The following SAMD3 variants were observed in gnomAD, a reference collection of about 807,000 sequenced individuals.
The protein encoded by SAMD3 is sterile alpha motif domain containing 3.
SAMD3 carries 63 observed loss-of-function variants against 58.5 expected under a neutral mutation model. That is an observed-to-expected ratio of 1.08 (90% CI 0.88 to 1.33). The LOEUF is 1.33. Among genes scored for constraint, SAMD3 ranks in the 40% most tolerant of loss-of-function variants. The pLI, the probability that SAMD3 is intolerant of heterozygous loss-of-function variation, is 0.00. For missense variants in SAMD3, 604 were observed against 608.4 expected (o/e 0.99, Z 0.08); for synonymous variants, 220 against 210.3 (o/e 1.05, Z -0.40).
chr6:130,275,176 T>A (rs1774732257), intron 2 of SAMD3, among the ~76,000 whole-genome samples: 1 of 152,186 alleles, frequency 6.6e-6, no homozygotes, highest in South Asian at 2.1e-4. Context: ...GTCATTTATT[T>A]ATTTATTTTT....
At chr6:130,287,909 C>A (rs1445489042) in intron 2 of SAMD3, among the ~76,000 whole-genome samples, 2 of 148,930 alleles carry the variant, frequency 1.3e-5, no homozygotes, top group East Asian at 4.0e-4. Flanking sequence ...CACGCCACTG[C>A]ACTCCAGCCT....
intron 2 of SAMD3, among the ~76,000 whole-genome samples, chr6:130,263,860 C>T (rs146537268): frequency 0.013 from 1,931 of 152,190 alleles, 37 homozygotes; most frequent in African/African-American, 0.044. Context: ...TCTTGCCCCC[C>T]GATGTAGAGT....
intron 8 of SAMD3, among the ~76,000 whole-genome samples, chr6:130,169,098 C>T (rs1582777237): frequency 6.6e-6 from 1 of 152,258 alleles, no homozygotes. Flanking sequence ...AATGAGCCAC[C>T]ATGCCTGGCT....
chr6:130,329,733 C>A (rs1394657016), intron 1 of SAMD3, among the ~76,000 whole-genome samples: 1 of 151,980 alleles, frequency 6.6e-6, no homozygotes, highest in Non-Finnish European at 1.5e-5. Context: ...TACTATGCAG[C>A]CATAAAAAAG....
chr6:130,224,591 AT>A (rs1021131964), upstream of SAMD3, among the ~76,000 whole-genome samples: 8 of 123,492 alleles, frequency 6.5e-5, no homozygotes, highest in South Asian at 5.6e-4. Flanking sequence ...CACTCTATTT[AT>A]TTATTATTAT....
intron 2 of SAMD3, among the ~76,000 whole-genome samples, chr6:130,282,503 G>C (rs1775015001): frequency 1.3e-5 from 2 of 152,170 alleles, no homozygotes; most frequent in African/African-American, 4.8e-5. Flanking sequence ...TAGTACAGAG[G>C]CTTAGAGTTT....
chr6:130,359,022 A>G (rs1340025755), intron 1 of SAMD3, among the ~76,000 whole-genome samples: 2 of 152,190 alleles, frequency 1.3e-5, no homozygotes, highest in African/African-American at 2.4e-5. Context: ...TCATGAGCCC[A>G]GTTCCTCCAC....
rs936115144 is a variant in SAMD3 at position 130,158,484 on chromosome 6, G to GA, written c.823-3460dup. Among the ~76,000 whole-genome samples, 372 of 146,798 alleles carry GA rather than the reference G, an allele frequency of 2.5e-3. 2 individuals are homozygous for GA. Among genetic ancestry groups the GA allele is most frequent in the African/African-American group, 4.9e-3 (198 of 40,184 alleles). ...TGCAAGAAAATTTTCTATCCATAAG[G>GA]AAAAAAAAAATCCCATATGGCTTAA... On this transcript the variant is annotated intron_variant, in intron 8 of 11. Transcript: ENST00000439090.
At chr6:130,226,664 T>C (rs1189399341), upstream of SAMD3, among the ~76,000 whole-genome samples, 3 of 152,110 alleles carry the variant, frequency 2.0e-5, no homozygotes, top group Non-Finnish European at 4.4e-5. Flanking sequence ...CCGTCTCTAC[T>C]AAAAATAAGC....
chr6:130,221,365 A>G (rs1158990481), intron 1 of SAMD3, among the ~76,000 whole-genome samples: 2 of 152,214 alleles, frequency 1.3e-5, no homozygotes, highest in Non-Finnish European at 2.9e-5. Context: ...ATGTGTACAC[A>G]TATATATCAC....
chr6:130,146,317 T>C (rs1172938116), intron 9 of SAMD3, 136 bp from the exon 10 acceptor site: 1 of 443,112 alleles, frequency 2.3e-6, no homozygotes, highest in Non-Finnish European at 3.8e-6. Flanking sequence ...GAAGTTTTAG[T>C]GGAGAATTAA....
At chr6:130,228,194 G>A (rs1796437909) in intron 2 of SAMD3, among the ~76,000 whole-genome samples, 1 of 152,146 alleles carries the variant, frequency 6.6e-6, no homozygotes, top group Admixed American at 6.5e-5. Flanking sequence ...TCTTAACAAA[G>A]AGTTCACAAC....
chr6:130,277,511 T>A (rs73612009), intron 2 of SAMD3, among the ~76,000 whole-genome samples: 101 of 152,316 alleles, frequency 6.6e-4, no homozygotes, highest in African/African-American at 2.3e-3. Context: ...TACCATCTTG[T>A]TCTATTAAAC....
At position 130,215,624 on chromosome 6, in the gene SAMD3, C is replaced by A. The variant is rs1327612159; in HGVS notation, c.-21-330G>T. ...GGTACCCAATCCTGTACCATTAACA[C>A]CCAGGTTTCTTCACAAAGAAAAGAA... is the stretch of plus-strand genomic sequence containing the variant. On this transcript the variant is annotated intron_variant, in intron 2 of 11. Transcript: ENST00000439090. 7 of 1,388,026 alleles carry A rather than the reference C, an allele frequency of 5.0e-6. No homozygotes were observed. In the South Asian group the frequency reaches 1.3e-4, roughly 25 times the overall value. 86.0% of individuals were successfully genotyped at this position (1,388,026 alleles called of 1,614,324 possible).
intron 1 of SAMD3, among the ~76,000 whole-genome samples, chr6:130,335,899 T>C (rs1204546043): frequency 2.0e-5 from 3 of 151,776 alleles, no homozygotes; most frequent in Non-Finnish European, 4.4e-5. Context: ...TCATTCTCAG[T>C]AAACTATCGC....
intron 1 of SAMD3, among the ~76,000 whole-genome samples, chr6:130,335,286 C>G (rs559386388): frequency 1.4e-4 from 22 of 152,180 alleles, no homozygotes; most frequent in Non-Finnish European, 3.1e-4. Context: ...TGATCCCAAC[C>G]AACACTAACT....
chr6:130,348,110 C>A (rs1287738619), intron 1 of SAMD3, among the ~76,000 whole-genome samples: 1 of 152,164 alleles, frequency 6.6e-6, no homozygotes, highest in Non-Finnish European at 1.5e-5. Flanking sequence ...CCGGTACCAG[C>A]CACTGCAAAA....
chr6:130,145,414 T>C lies in SAMD3; in HGVS notation c.1204A>G (p.Met402Val). The C allele has an allele frequency of 6.2e-7, 1 of 1,609,672 alleles. No homozygotes were observed. Among genetic ancestry groups the C allele is most frequent in the Non-Finnish European group, 8.5e-7 (1 of 1,176,824 alleles). Residue 402 changes from methionine (M) to valine (V), a missense_variant, in exon 11 of 12, where the codon ATG becomes GTG. Physicochemically the swap from Met to Val is conservative, Grantham distance 21 (BLOSUM62 1). Coordinates refer to ENST00000439090, the MANE Select transcript of SAMD3 (RefSeq NM_001017373.4). Reference protein sequence around the residue: ...TDEDMLKYMKMTATCLLLPDV... With the variant: ...TDEDMLKYMKVTATCLLLPDV... ...GGGAGGAGTAAACATGTGGCTGTCA[T>C]CTTCATGTCTGTCAAAGCAAATATG...
In SAMD3 at chr6:130,351,976, C is replaced by A. The variant is rs563953290; in HGVS notation, c.-304+13144G>T. Among the ~76,000 whole-genome samples the A allele has an allele frequency of 9.3e-5, 14 of 150,026 alleles. 1 individual carries two copies. The East Asian group carries it at 2.8e-3, about 30-fold the overall frequency. Reference sequence around the variant, plus strand: ...ACTATCACAAGGACAAAAAACCAAACACCGCATTTTCTCACTCGTAGGTGG... The same window carrying A: ...ACTATCACAAGGACAAAAAACCAAAAACCGCATTTTCTCACTCGTAGGTGG... On this transcript the variant is annotated intron_variant, in intron 1 of 13. Transcript: ENST00000368134.
Sources: allele counts gnomAD v4.1 joint callset (sites outside exome capture counted in the v4.1 genomes callset), GRCh38; gene constraint gnomAD v4.1.1; transcripts MANE v1.5; gene names NCBI Gene and HGNC (gene_info 2026-07-23, HGNC 2026-07-21).